GIT1: variants seen among roughly 807,000 people sequenced by gnomAD.
The protein encoded by GIT1 is ARF GTPase-activating protein GIT1.
A neutral mutation model predicts 91.7 loss-of-function variants in GIT1; 14 were observed. The observed-to-expected ratio is 0.15, with a 90% CI of 0.10 to 0.24. The LOEUF (loss-of-function observed/expected upper bound fraction) is 0.24, where lower values mean the gene tolerates loss of function less well. Among genes scored for constraint, GIT1 ranks in the 10% least tolerant of loss-of-function variants. The probability of loss-of-function intolerance (pLI) is 1.00; values close to 1 mark genes in which losing one functional copy is unlikely to be tolerated. For synonymous variants in GIT1, 414 were observed against 418.2 expected (o/e 0.99, Z 0.12); for missense variants, 717 against 1,024.9 (o/e 0.70, Z 4.10).
In GIT1 at chr17:29,576,690, T is replaced by A; in HGVS notation, c.1228-16A>T. 3.7e-6 allele frequency: 6 copies of A among 1,613,568 alleles called. No homozygotes were observed. Among genetic ancestry groups the A allele is most frequent in the Non-Finnish European group, 5.1e-6 (6 of 1,179,886 alleles). Reference sequence around the variant, plus strand: ...AGTCCATGCTCTGCAGAGAGAGACCTAAGCTGGTCAGCACCTGGGGGCAGG... The same window carrying A: ...AGTCCATGCTCTGCAGAGAGAGACCAAAGCTGGTCAGCACCTGGGGGCAGG... On this transcript the variant is annotated splice_polypyrimidine_tract_variant and intron_variant, in intron 12 of 19. Coordinates refer to ENST00000225394, the MANE Select transcript of GIT1 (RefSeq NM_014030.4).
At chr17:29,579,945 C>A (rs1381364506) in intron 7 of GIT1, among the ~76,000 whole-genome samples, 1 of 152,152 alleles carries the variant, frequency 6.6e-6, no homozygotes, top group Non-Finnish European at 1.5e-5. Flanking sequence ...CTGATGCTCT[C>A]GGGGCTGCTC....
At position 29,583,497 on chromosome 17, in the gene GIT1, G is replaced by A; in HGVS notation, c.172C>T (p.Pro58Ser). The A allele has an allele frequency of 6.2e-7, 1 of 1,612,330 alleles. No homozygotes were observed. The highest frequency in any genetic ancestry group is 1.1e-5 in the South Asian group (1 of 91,076). Reference sequence around the variant, plus strand: ...GAGCCCTGTACCTGCAGCAGCGTGGGAGGCCAGGCGCTGTGGCGAAGGTGC... The same window carrying A: ...GAGCCCTGTACCTGCAGCAGCGTGGAAGGCCAGGCGCTGTGGCGAAGGTGC... ...VKHLRHSAWP[P>S]TLLQMVHTLA... Residue 58 changes from proline to serine, a missense_variant, in exon 2 of 20, where the codon CCC becomes TCC. Physicochemically the swap from Pro to Ser is moderately conservative, Grantham distance 74 (BLOSUM62 -1). Around this residue, in one of 3 missense-constraint regions of GIT1, gnomAD observed 271 missense variants for 451.6 expected, o/e 0.60. Coordinates refer to ENST00000225394, the MANE Select transcript of GIT1 (RefSeq NM_014030.4).
At chr17:29,584,959 C>CTTTTT (rs11419578) in intron 1 of GIT1, among the ~76,000 whole-genome samples, 16 of 102,406 alleles carry the variant, frequency 1.6e-4, no homozygotes, top group East Asian at 3.0e-4. Context: ...TGGGTTTAGG[C>CTTTTT]TTTTTTTTTT....
intron 1 of GIT1, among the ~76,000 whole-genome samples, chr17:29,588,870 T>C (rs1212146060): frequency 6.6e-6 from 1 of 152,112 alleles, no homozygotes; most frequent in Non-Finnish European, 1.5e-5. Context: ...CTCCTTGCCC[T>C]CCACCACCCC....
intron 1 of GIT1, among the ~76,000 whole-genome samples, chr17:29,586,833 C>G (rs1199001526): frequency 6.6e-6 from 1 of 152,166 alleles, no homozygotes; most frequent in Non-Finnish European, 1.5e-5. Context: ...CTCCCTGCCC[C>G]CTTCCTCTCT....
At position 29,581,296 on chromosome 17, in the gene GIT1, C is replaced by T. The variant is rs746479127; in HGVS notation, c.761+42G>A. The T allele has an allele frequency of 3.9e-6, 6 of 1,524,258 alleles. No homozygotes were observed. In the Admixed American group the frequency reaches 8.3e-5, roughly 21 times the overall value. 94.4% of individuals were successfully genotyped at this position (1,524,258 alleles called of 1,614,324 possible). ...CTCTGGGGGTCAGCCACCCACATGGCATCCAACAGCCTCTGGAAAGGGGCA... is the reference window on the plus strand; with the variant it reads ...CTCTGGGGGTCAGCCACCCACATGGTATCCAACAGCCTCTGGAAAGGGGCA... On this transcript the variant is annotated intron_variant, in intron 7 of 19. Transcript: ENST00000225394. This position sits in a 1 kb window ranked among gnomAD's most constrained non-coding sequence, Gnocchi z 4.8.
intron 2 of GIT1, 28 bp downstream of exon 2, chr17:29,583,455 G>A: frequency 8.1e-6 from 13 of 1,607,110 alleles, no homozygotes; most frequent in Non-Finnish European, 1.1e-5. Flanking sequence ...CTGAGGGGAA[G>A]GAAGAACCAC....
Position 29,576,638 on chromosome 17 carries a change from TCA to T in GIT1, c.1262_1263del (p.Val421AspfsTer28). The T allele has an allele frequency of 6.2e-7, 1 of 1,614,006 alleles. No homozygotes were observed. The highest frequency in any genetic ancestry group is 1.6e-4 in the Middle Eastern group (1 of 6,062). ...TTCAGCTCCAGGTACTCCTGCAGCG[TCA>T]CAGCCCCGTCAGACAAGTCCGAGGA... ...MDSSDLSDGA[V>X]TLQEYLELKK... On this transcript the variant is annotated frameshift_variant, in exon 13 of 20. Coordinates refer to ENST00000225394, the MANE Select transcript of GIT1 (RefSeq NM_014030.4). LOFTEE classifies it high-confidence loss of function.
In GIT1 at chr17:29,575,316, G is replaced by A; in HGVS notation, c.1981C>T (p.Arg661Trp). ...TCATGCTTGAACTCCTGGGCTGCCC[G>A]CAACAGTTCCTGAATGTTCTTGGTG... ...QVTKNIQELL[R>W]AAQEFKHDSF... The change falls in exon 18 of 20, where the codon CGG (arginine) becomes TGG (tryptophan). Residue 661 changes from arginine to tryptophan, a missense_variant. By Grantham distance (101) the Arg-to-Trp change is moderately radical. Transcript: ENST00000225394. This position sits in a 1 kb window ranked among gnomAD's most constrained non-coding sequence, Gnocchi z 5.5. 1 of 1,612,948 alleles carries A rather than the reference G, an allele frequency of 6.2e-7. No individual in the cohort carries two copies. The highest frequency in any genetic ancestry group is 8.5e-7 in the Non-Finnish European group (1 of 1,179,692).
At chr17:29,588,558 G>A (rs559621408) in intron 1 of GIT1, among the ~76,000 whole-genome samples, 2 of 152,340 alleles carry the variant, frequency 1.3e-5, no homozygotes, top group South Asian at 2.1e-4. Flanking sequence ...TGGCCAGACT[G>A]GGCTAGGGGA....
intron 1 of GIT1, among the ~76,000 whole-genome samples, chr17:29,584,130 G>C (rs2150849955): frequency 6.6e-6 from 1 of 152,360 alleles, no homozygotes; most frequent in Non-Finnish European, 1.5e-5. Context: ...CACTGAGGGT[G>C]TAAGCTGGAG....
intron 1 of GIT1, 32 bp from the exon 2 acceptor site, chr17:29,583,648 C>T (rs1349351628): frequency 6.5e-7 from 1 of 1,549,072 alleles, no homozygotes; most frequent in Admixed American, 1.9e-5. Flanking sequence ...TCAGCCGGAG[C>T]CAGATGATGG....
rs760383808 is a variant in GIT1, at chr17:29,574,526, C to T, written c.*176G>A. On this transcript the variant is annotated 3_prime_UTR_variant, in exon 20 of 20. Coordinates refer to ENST00000225394, the MANE Select transcript of GIT1 (RefSeq NM_014030.4). The stretch of plus-strand genomic sequence containing the variant: ...CAGAAGCTCCTGCCCCCCCACCTCC[C>T]CATCCTTAGGGGCTCGACAGGGGTG... The T allele has an allele frequency of 3.0e-6, 2 of 673,508 alleles. No homozygotes were observed. Among genetic ancestry groups the T allele is most frequent in the East Asian group, 2.5e-5 (1 of 40,124 alleles). The allele number at this position is 673,508 out of a possible 1,614,324, so 41.7% of individuals were successfully genotyped here.
chr17:29,575,929 A>G lies in GIT1; in HGVS notation c.1666-31T>C. 1.3e-6 allele frequency: 2 copies of G among 1,575,028 alleles called. No homozygotes were observed. The highest frequency in any genetic ancestry group is 1.3e-5 in the African/African-American group (1 of 74,108). On this transcript the variant is annotated intron_variant, in intron 15 of 19. Transcript: ENST00000225394. The surrounding 1 kb of genome is among the most constrained non-coding windows in gnomAD (Gnocchi z 5.5). ...ACCCAGGGCAGCGCTGGATGGAGTCAGTGTGCCCCACTGCCCCCCTGCTCA... is the reference window on the plus strand; with the variant it reads ...ACCCAGGGCAGCGCTGGATGGAGTCGGTGTGCCCCACTGCCCCCCTGCTCA...
At chr17:29,583,887 T>A (rs1210973489) in intron 1 of GIT1, 2 of 456,454 alleles carry the variant, frequency 4.4e-6, no homozygotes, top group African/African-American at 3.9e-5. Flanking sequence ...CAGGCACAGT[T>A]TCCTGCCCTG....
At chr17:29,576,793 G>T in intron 12 of GIT1, 70 bp downstream of exon 12, 1 of 1,576,126 alleles carries the variant, frequency 6.3e-7, no homozygotes. Flanking sequence ...GCTACAAGAG[G>T]ACAGAGCTGG....
chr17:29,583,672 A>C (rs1359119871), intron 1 of GIT1, 56 bp from the exon 2 acceptor site: 3 of 1,528,132 alleles, frequency 2.0e-6, no homozygotes, highest in Non-Finnish European at 2.6e-6. Flanking sequence ...AGACCTCCTG[A>C]GCACCTGCTC....
At position 29,574,517 on chromosome 17, in the gene GIT1, C is replaced by A. The variant is rs1031061919; in HGVS notation, c.*185G>T. 1.5e-6 allele frequency: 1 copy of A among 651,258 alleles called. No homozygotes were observed. The highest frequency in any genetic ancestry group is 2.8e-6 in the Non-Finnish European group (1 of 363,214). 40.3% of individuals were successfully genotyped at this position (651,258 alleles called of 1,614,324 possible). Reference sequence around the variant, plus strand: ...TGTGGGGGACAGAAGCTCCTGCCCCCCCACCTCCCCATCCTTAGGGGCTCG... The same window carrying A: ...TGTGGGGGACAGAAGCTCCTGCCCCACCACCTCCCCATCCTTAGGGGCTCG... On this transcript the variant is annotated 3_prime_UTR_variant, in exon 20 of 20. Transcript: ENST00000225394.
intron 9 of GIT1, 70 bp downstream of exon 9, chr17:29,578,229 T>A: frequency 7.9e-7 from 1 of 1,269,572 alleles, no homozygotes; most frequent in Non-Finnish European, 1.2e-6. Flanking sequence ...CTTAGCCCAG[T>A]AAAGGACCAG....
Sources: gnomAD v4.1 joint callset for allele counts (sites outside exome capture counted in the v4.1 genomes callset) on GRCh38, gnomAD v4.1.1 for gene constraint, gnomAD v4.1.1 regional missense constraint, Gnocchi (gnomAD v3.1) non-coding constraint, MANE v1.5 for transcripts, NCBI Gene and HGNC (gene_info 2026-07-23, HGNC 2026-07-21) for gene names.